Variants in CASR observed in about 807,000 individuals in gnomAD.
CASR encodes extracellular calcium-sensing receptor.
A neutral mutation model predicts 69.1 loss-of-function variants in CASR; 23 were observed. The ratio of observed to expected loss-of-function variants is 0.33; its 90% CI spans 0.24 to 0.47. CASR has a LOEUF of 0.47. Ranked by LOEUF, CASR falls within the 20% of genes least tolerant of loss-of-function variation. The probability of loss-of-function intolerance (pLI) is 1.00; values close to 1 mark genes in which losing one functional copy is unlikely to be tolerated. For synonymous variants in CASR, 541 were observed against 544.7 expected (o/e 0.99, Z 0.10); for missense variants, 924 against 1,356.1 (o/e 0.68, Z 5.00).
chr3:122,190,443 C>T (rs1207475271), intron 1 of CASR, among the ~76,000 whole-genome samples: 1 of 152,202 alleles, frequency 6.6e-6, no homozygotes, highest in African/African-American at 2.4e-5. Context: ...AATTAGACTA[C>T]CCGAGCTTGT....
chr3:122,206,755 C>T (rs945775249), intron 1 of CASR, among the ~76,000 whole-genome samples: 2 of 151,932 alleles, frequency 1.3e-5, no homozygotes, highest in Non-Finnish European at 2.9e-5. Flanking sequence ...TTTCATTACT[C>T]AATATTGGTT....
intron 4 of CASR, among the ~76,000 whole-genome samples, chr3:122,267,532 A>G (rs2074708676): frequency 1.3e-5 from 2 of 152,234 alleles, no homozygotes; most frequent in African/African-American, 2.4e-5. Context: ...CCTGCTAAGC[A>G]AAAGAATACT....
rs200620134 is a variant in CASR, at chr3:122,284,869, C to T, written c.2915C>T (p.Thr972Met). Reference protein sequence around the residue: ...CKQKVIFGSGTVTFSLSFDEP... With the variant: ...CKQKVIFGSGMVTFSLSFDEP... ...CAGAAGGTCATCTTTGGCAGCGGCA[C>T]GGTCACCTTCTCACTGAGCTTTGAT... is the stretch of plus-strand genomic sequence containing the variant. Residue 972 changes from threonine to methionine, a missense_variant, in exon 7 of 7, where the codon ACG becomes ATG. Thr to Met is a moderately conservative substitution (Grantham distance 81, BLOSUM62 -1). Coordinates refer to ENST00000639785, the MANE Select transcript of CASR (RefSeq NM_000388.4). The T allele has an allele frequency of 4.0e-5, 64 of 1,614,202 alleles. No individual in the cohort carries two copies. In the Middle Eastern group the frequency reaches 4.9e-4, roughly 12 times the overall value.
chr3:122,201,012 T>TTA (rs2073944310), intron 1 of CASR, among the ~76,000 whole-genome samples: 1 of 134,318 alleles, frequency 7.4e-6, no homozygotes, highest in South Asian at 2.3e-4. Flanking sequence ...TTTATTTTTT[T>TTA]TTTTTTTATT....
intron 2 of CASR, among the ~76,000 whole-genome samples, chr3:122,254,601 C>T (rs1347087674): frequency 6.6e-6 from 1 of 152,036 alleles, no homozygotes; most frequent in Admixed American, 6.5e-5. Flanking sequence ...CATGCATGGC[C>T]TGTTAAAGCA....
intron 1 of CASR, among the ~76,000 whole-genome samples, chr3:122,213,754 A>T (rs911387441): frequency 6.6e-6 from 1 of 152,166 alleles, no homozygotes; most frequent in Non-Finnish European, 1.5e-5. Flanking sequence ...GTGTCAAAAA[A>T]CCTAGCTGAA....
At chr3:122,269,937 G>A (rs2074739654) in intron 4 of CASR, among the ~76,000 whole-genome samples, 1 of 152,084 alleles carries the variant, frequency 6.6e-6, no homozygotes, top group African/African-American at 2.4e-5. Flanking sequence ...CGCCTCCCAG[G>A]TTCAAGAGAT....
At chr3:122,239,059 C>A (rs1045967258) in intron 1 of CASR, among the ~76,000 whole-genome samples, 2 of 152,114 alleles carry the variant, frequency 1.3e-5, no homozygotes, top group African/African-American at 4.8e-5. Flanking sequence ...GGGATATTTT[C>A]TTGCTGGTAC....
rs750090767 is a variant in CASR, at chr3:122,284,797, T to C, written c.2843T>C (p.Leu948Pro). The C allele has an allele frequency of 7.4e-6, 12 of 1,614,122 alleles. No homozygotes were observed. The South Asian group carries it at 1.3e-4, about 18-fold the overall frequency. Residue 948 changes from leucine (L) to proline (P), a missense_variant, in exon 7 of 7, where the codon CTG becomes CCG. Around this residue, in one of 8 missense-constraint regions of CASR, gnomAD observed 201 missense variants for 228.8 expected, o/e 0.88. Transcript: ENST00000639785. ...CAGCAAGAGCAGCAGCAGCAGCCCCTGACCCTCCCACAGCAGCAACGATCT... is the reference window on the plus strand; with the variant it reads ...CAGCAAGAGCAGCAGCAGCAGCCCCCGACCCTCCCACAGCAGCAACGATCT... ...LTQQEQQQQPLTLPQQQRSQQ... is the reference protein window; with the variant it reads ...LTQQEQQQQPPTLPQQQRSQQ...
Position 122,266,215 on chromosome 3 carries a change from C to T in CASR, c.1377+3803C>T, listed in dbSNP as rs115449976. On this transcript the variant is annotated intron_variant, in intron 4 of 6. Coordinates refer to ENST00000639785, the MANE Select transcript of CASR (RefSeq NM_000388.4). ...TCCATTTATGCTTATAATGAGCAAC[C>T]GTTTGACTTTAAAATCTTTTAGGGG... Among the ~76,000 whole-genome samples the T allele has an allele frequency of 2.1e-3, 313 of 148,982 alleles. 2 individuals carry two copies. Among genetic ancestry groups the T allele is most frequent in the African/African-American group, 7.6e-3 (303 of 39,864 alleles).
intron 5 of CASR, among the ~76,000 whole-genome samples, chr3:122,278,748 T>C (rs142854786): frequency 5.9e-5 from 9 of 152,216 alleles, no homozygotes; most frequent in African/African-American, 2.2e-4. Context: ...TTTGGTGTAG[T>C]GAAAAGTACA....
At chr3:122,186,486 C>G (rs1228086990) in intron 1 of CASR, among the ~76,000 whole-genome samples, 2 of 152,212 alleles carry the variant, frequency 1.3e-5, no homozygotes, top group African/African-American at 4.8e-5. Context: ...AATCATTCAT[C>G]ATTCATCATT....
At position 122,262,111 on chromosome 3, in the gene CASR, A is replaced by T. The variant is rs1576859031; in HGVS notation, c.1076A>T (p.His359Leu). Reference protein sequence around the residue: ...KEFWEETFNCHLQEGAKGPLP... With the variant: ...KEFWEETFNCLLQEGAKGPLP... ...TTTTGGGAAGAAACATTTAACTGCC[A>T]CCTCCAAGAAGGTGCAAAAGGACCT... is the stretch of plus-strand genomic sequence containing the variant. The change falls in exon 4 of 7, where the codon CAC becomes CTC. Residue 359 changes from histidine (H) to leucine (L), a missense_variant. Physicochemically the swap from His to Leu is moderately conservative, Grantham distance 99. Around this residue, in one of 8 missense-constraint regions of CASR, gnomAD observed 310 missense variants for 395.7 expected, o/e 0.78. Coordinates refer to ENST00000639785, the MANE Select transcript of CASR (RefSeq NM_000388.4). 1.2e-6 allele frequency: 2 copies of T among 1,614,082 alleles called. No homozygotes were observed. The highest frequency in any genetic ancestry group is 1.7e-6 in the Non-Finnish European group (2 of 1,180,004).
At position 122,287,189 on chromosome 3, in the gene CASR, C is replaced by T. The variant is rs2074977618; in HGVS notation, c.*1998C>T. ...CAAAATAACTATGAGGGAACAGCCT[C>T]AACAGAATGTGACATACTTCTCCCT... On this transcript the variant is annotated 3_prime_UTR_variant, in exon 7 of 7. Transcript: ENST00000639785. 1 of 152,226 alleles carries T rather than the reference C, an allele frequency of 6.6e-6. No homozygotes were observed. The highest frequency in any genetic ancestry group is 1.5e-5 in the Non-Finnish European group (1 of 68,040). The allele number at this position is 152,226 out of a possible 1,614,324, so 9.4% of individuals were successfully genotyped here.
intron 1 of CASR, among the ~76,000 whole-genome samples, chr3:122,191,386 A>G (rs1463398744): frequency 6.6e-6 from 1 of 152,156 alleles, no homozygotes; most frequent in African/African-American, 2.4e-5. Context: ...ATCTTGGCTC[A>G]CTGCAACTTC....
chr3:122,230,885 C>A (rs1299937212), intron 1 of CASR, among the ~76,000 whole-genome samples: 2 of 152,150 alleles, frequency 1.3e-5, no homozygotes, highest in African/African-American at 4.8e-5. Flanking sequence ...GGGGGTTTCT[C>A]TTTTTTTAGT....
At chr3:122,278,144 A>G (rs2074845011) in intron 5 of CASR, among the ~76,000 whole-genome samples, 1 of 152,180 alleles carries the variant, frequency 6.6e-6, no homozygotes, top group Non-Finnish European at 1.5e-5. Context: ...AAATGAGATC[A>G]AGGATGAAAA....
At position 122,257,128 on chromosome 3, in the gene CASR, T is replaced by C. The variant is rs2074562667; in HGVS notation, c.233T>C (p.Ile78Thr). Residue 78 changes from isoleucine to threonine, a missense_variant, in exon 3 of 7, where the codon ATA becomes ACA. Around this residue, in one of 8 missense-constraint regions of CASR, gnomAD observed 141 missense variants for 283.0 expected, o/e 0.50. Transcript: ENST00000639785. The stretch of plus-strand genomic sequence containing the variant: ...TGGTTACAGGCTATGATATTTGCCA[T>C]AGAGGAGATAAACAGCAGCCCAGCC... ...FRWLQAMIFAIEEINSSPALL... is the reference protein window; with the variant it reads ...FRWLQAMIFATEEINSSPALL... 6.2e-7 allele frequency: 1 copy of C among 1,614,136 alleles called. No individual in the cohort carries two copies. The highest frequency in any genetic ancestry group is 1.1e-5 in the South Asian group (1 of 91,084).
chr3:122,190,929 G>T (rs73858156), intron 1 of CASR, among the ~76,000 whole-genome samples: 22,914 of 152,206 alleles, frequency 0.15, 2,077 homozygotes, highest in African/African-American at 0.24. Flanking sequence ...CAAAGAAAGT[G>T]CAACTATAAG....
Sources: gnomAD v4.1 joint callset for allele counts (sites outside exome capture counted in the v4.1 genomes callset) on GRCh38, gnomAD v4.1.1 for gene constraint, gnomAD v4.1.1 regional missense constraint, MANE v1.5 for transcripts, NCBI Gene and HGNC (gene_info 2026-07-23, HGNC 2026-07-21) for gene names.